The following ADD1 variants were observed in gnomAD, a reference collection of about 807,000 sequenced individuals.
ADD1 encodes the protein adducin 1, also known as alpha-adducin.
In ADD1, 24 loss-of-function variants were observed where a neutral mutation model predicts 80.5. The ratio of observed to expected loss-of-function variants is 0.30; its 90% CI spans 0.22 to 0.42. The LOEUF is 0.42. ADD1 is among the 10% of genes least tolerant of loss of function. ADD1 has a pLI of 1.00. For missense variants in ADD1, 948 were observed against 1,019.0 expected, an observed-to-expected ratio of 0.93 and a Z score of 0.95; for synonymous variants, 373 against 393.8, an observed-to-expected ratio of 0.95 and a Z score of 0.63.
At chr4:2,882,217 G>A (rs1431444790) in intron 3 of ADD1, among the ~76,000 whole-genome samples, 157 bp downstream of exon 3, 1 of 152,208 alleles carries the variant, frequency 6.6e-6, no homozygotes, top group Non-Finnish European at 1.5e-5. Flanking sequence ...GTAAAAGATA[G>A]GCTGGAATTC....
chr4:2,894,508 CAAAAAAAAAA>C (rs898922221), intron 5 of ADD1, 64 bp from the exon 6 acceptor site: 1 of 1,089,432 alleles, frequency 9.2e-7, no homozygotes, highest in Non-Finnish European at 1.2e-6. Context: ...CAGACCCTAT[CAAAAAAAAAA>C]AAAAAAAGAA....
chr4:2,903,769 A>G (rs1736586175), intron 9 of ADD1, among the ~76,000 whole-genome samples: 1 of 152,152 alleles, frequency 6.6e-6, no homozygotes. Context: ...TCTGTCTGTC[A>G]CACTTACCAA....
chr4:2,851,160 C>A (rs1011896961), intron 1 of ADD1, among the ~76,000 whole-genome samples: 1 of 152,114 alleles, frequency 6.6e-6, no homozygotes, highest in African/African-American at 2.4e-5. Flanking sequence ...TAATCCTCCC[C>A]ACCTCAGCCT....
chr4:2,894,494 G>C (rs10050109), intron 5 of ADD1, 88 bp from the exon 6 acceptor site: 28,727 of 1,268,470 alleles, frequency 0.023, 456 homozygotes, highest in African/African-American at 0.072. Context: ...CTGGGCGACA[G>C]AGCCAGACCC....
rs146138001 is a variant in ADD1, at chr4:2,898,009, T to C, written c.742-175T>C. 1.1e-3 allele frequency among the ~76,000 whole-genome samples: 167 copies of C among 152,350 alleles called. 1 individual carries two copies. The highest frequency in any genetic ancestry group is 3.6e-3 in the Admixed American group (55 of 15,312). ...GTTTAGGGGTAGTTTTGTTTTTAAGTGTGAATTGTTAGCACTGGAAACCAA... is the reference window on the plus strand; with the variant it reads ...GTTTAGGGGTAGTTTTGTTTTTAAGCGTGAATTGTTAGCACTGGAAACCAA... On this transcript the variant is annotated intron_variant, in intron 6 of 15. Transcript: ENST00000683351.
chr4:2,847,300 A>C (rs975791870), intron 1 of ADD1, among the ~76,000 whole-genome samples: 1 of 151,976 alleles, frequency 6.6e-6, no homozygotes, highest in Non-Finnish European at 1.5e-5. Flanking sequence ...GCATGCCTGT[A>C]ATCCCCACTA....
chr4:2,899,235 C>G, intron 8 of ADD1, 24 bp from the exon 9 acceptor site: 1 of 1,592,764 alleles, frequency 6.3e-7, no homozygotes, highest in Non-Finnish European at 8.6e-7. Flanking sequence ...GAACTCAAGC[C>G]ATGCTGTGTG....
chr4:2,886,418 G>A (rs572188267), intron 4 of ADD1, among the ~76,000 whole-genome samples: 2 of 152,234 alleles, frequency 1.3e-5, no homozygotes, highest in African/African-American at 2.4e-5. Context: ...TCTTGTTTCC[G>A]CTTAAATGAA....
chr4:2,924,173 G>A (rs1740572532), intron 14 of ADD1, among the ~76,000 whole-genome samples: 1 of 152,206 alleles, frequency 6.6e-6, no homozygotes, highest in African/African-American at 2.4e-5. Context: ...GTCAAAGATG[G>A]GGCAGTCTTA....
At chr4:2,865,585 G>A (rs1268810958) in intron 1 of ADD1, among the ~76,000 whole-genome samples, 1 of 152,096 alleles carries the variant, frequency 6.6e-6, no homozygotes, top group Non-Finnish European at 1.5e-5. Context: ...GGAACTTTTA[G>A]TTGTTGATTA....
rs1712353932 is a variant in ADD1, at chr4:2,928,468, A to G, written c.2345A>G (p.Lys782Arg). 3 of 1,613,872 alleles carry G rather than the reference A, an allele frequency of 1.9e-6. No homozygotes were observed. The highest frequency in any genetic ancestry group is 2.5e-6 in the Non-Finnish European group (3 of 1,180,022). Residue 782 changes from lysine (K) to arginine (R), a missense_variant, in exon 16 of 16, where the codon AAG (lysine) becomes AGG (arginine). Lys to Arg is a conservative substitution (Grantham distance 26, BLOSUM62 2). Transcript: ENST00000683351. ...SPGKSPSKKKKKFRTPSFLKK... is the reference protein window; with the variant it reads ...SPGKSPSKKKRKFRTPSFLKK... ...GGCAAGTCCCCGTCCAAAAAGAAGA[A>G]GAAGTTCCGTACCCCGTCCTTTCTG...
At chr4:2,925,361 T>G (rs11734416) in intron 14 of ADD1, among the ~76,000 whole-genome samples, 4,204 of 88,874 alleles carry the variant, frequency 0.047, 99 homozygotes, top group Middle Eastern at 0.1. Flanking sequence ...CCTAAGCTAT[T>G]AATCTTAAAC....
intron 14 of ADD1, among the ~76,000 whole-genome samples, chr4:2,921,276 C>T (rs1211576558): frequency 6.6e-6 from 1 of 152,050 alleles, no homozygotes; most frequent in Non-Finnish European, 1.5e-5. Flanking sequence ...TACAGGTGCA[C>T]GCCAGCATGC....
chr4:2,862,926 T>C (rs1404881208), intron 1 of ADD1, among the ~76,000 whole-genome samples: 1 of 152,216 alleles, frequency 6.6e-6, no homozygotes, highest in Non-Finnish European at 1.5e-5. Flanking sequence ...ATGAAAATGA[T>C]TGTCATCCTT....
Position 2,892,333 on chromosome 4 carries a change from A to G in ADD1, c.511-1680A>G, listed in dbSNP as rs559402330. 3.3e-5 allele frequency among the ~76,000 whole-genome samples: 5 copies of G among 152,326 alleles called. No homozygotes were observed. The East Asian group carries it at 7.7e-4, about 23-fold the overall frequency. ...AATCTTTAGGAAGCCTTTTGAGCCT[A>G]TACTAAAATCATTATAAAAACTAGA... On this transcript the variant is annotated intron_variant, in intron 4 of 15. Coordinates refer to ENST00000683351, the MANE Select transcript of ADD1 (RefSeq NM_001354761.2).
intron 1 of ADD1, among the ~76,000 whole-genome samples, chr4:2,857,398 C>T (rs1022757542): frequency 1.3e-4 from 20 of 152,098 alleles, no homozygotes; most frequent in Admixed American, 5.9e-4. Flanking sequence ...ATCGCTTGAG[C>T]CCAGGAGTTT....
intron 14 of ADD1, among the ~76,000 whole-genome samples, chr4:2,916,430 G>A (rs1467993311): frequency 1.3e-5 from 2 of 152,002 alleles, no homozygotes; most frequent in African/African-American, 4.8e-5. Context: ...TCTTGAACTC[G>A]TGATCCGCCC....
chr4:2,879,451 C>T (rs1015203259), intron 2 of ADD1, among the ~76,000 whole-genome samples: 3 of 152,096 alleles, frequency 2.0e-5, no homozygotes, highest in South Asian at 2.1e-4. Context: ...TAGTGTGTGT[C>T]GAATTGAGCT....
At position 2,878,196 on chromosome 4, in the gene ADD1, C is replaced by T. The variant is rs57526673; in HGVS notation, c.195+2086C>T. Among the ~76,000 whole-genome samples the T allele has an allele frequency of 9.9e-3, 1,508 of 152,204 alleles. 179 individuals are homozygous for T. The East Asian group carries it at 0.26, about 26-fold the overall frequency. Reference sequence around the variant, plus strand: ...GTGTGGCAGAATCATTGGAGGGCTGCAGACAGGGAAAGGACAAACGGTATT... The same window carrying T: ...GTGTGGCAGAATCATTGGAGGGCTGTAGACAGGGAAAGGACAAACGGTATT... On this transcript the variant is annotated intron_variant, in intron 2 of 15. Transcript: ENST00000683351.
Sources: gnomAD v4.1 joint callset for allele counts (sites outside exome capture counted in the v4.1 genomes callset) on GRCh38, gnomAD v4.1.1 for gene constraint, MANE v1.5 for transcripts, NCBI Gene and HGNC (gene_info 2026-07-23, HGNC 2026-07-21) for gene names.